The following NTNG1 variants were observed in gnomAD, a reference collection of about 807,000 sequenced individuals.
The protein encoded by NTNG1 is netrin-G1.
Under a neutral mutation model 54.0 loss-of-function variants are expected in NTNG1, and 16 were observed. The observed-to-expected ratio is 0.30, with a 90% CI of 0.20 to 0.45. NTNG1 has a LOEUF of 0.45. Ranked by LOEUF, NTNG1 falls within the 20% of genes least tolerant of loss-of-function variation. The probability of loss-of-function intolerance (pLI) is 1.00; values close to 1 mark genes in which losing one functional copy is unlikely to be tolerated. For missense variants in NTNG1, 530 were observed against 678.7 expected (o/e 0.78, Z 2.43); for synonymous variants, 255 against 263.1 (o/e 0.97, Z 0.30).
intron 5 of NTNG1, among the ~76,000 whole-genome samples, chr1:107,413,719 C>A (rs1056412916): frequency 6.6e-6 from 1 of 152,106 alleles, no homozygotes; most frequent in Admixed American, 6.6e-5. Context: ...AATAAAAAAG[C>A]AACTCATCCA....
intron 2 of NTNG1, among the ~76,000 whole-genome samples, chr1:107,197,997 G>A (rs1658466000): frequency 6.6e-6 from 1 of 151,846 alleles, no homozygotes; most frequent in Admixed American, 6.6e-5. Context: ...ATTCTTTGAG[G>A]TGCAATGTCA....
chr1:107,140,542 T>C (rs1438061944), upstream of NTNG1, among the ~76,000 whole-genome samples: 1 of 152,050 alleles, frequency 6.6e-6, no homozygotes, highest in Non-Finnish European at 1.5e-5. Flanking sequence ...TGCAGTGACA[T>C]TTCTGACTTG....
At chr1:107,389,362 C>T (rs1672221182) in intron 3 of NTNG1, among the ~76,000 whole-genome samples, 1 of 152,174 alleles carries the variant, frequency 6.6e-6, no homozygotes, top group African/African-American at 2.4e-5. Flanking sequence ...ATATGGACCT[C>T]GAGCTCACAG....
intron 2 of NTNG1, among the ~76,000 whole-genome samples, chr1:107,265,245 A>G (rs12117490): frequency 0.033 from 4,993 of 152,278 alleles, 109 homozygotes; most frequent in Non-Finnish European, 0.052. Flanking sequence ...GGATAAGGAA[A>G]GGAATGTAGA....
At chr1:107,217,359 T>A (rs547432367) in intron 2 of NTNG1, among the ~76,000 whole-genome samples, 22 of 152,300 alleles carry the variant, frequency 1.4e-4, no homozygotes, top group Non-Finnish European at 2.8e-4. Flanking sequence ...ATCTCGCTAA[T>A]GGTCTATTAA....
At chr1:107,373,741 C>T (rs187494404) in intron 3 of NTNG1, among the ~76,000 whole-genome samples, 118 of 151,974 alleles carry the variant, frequency 7.8e-4, no homozygotes, top group African/African-American at 2.6e-3. Context: ...CTCTGTCACC[C>T]AGGCTGGAGT....
intron 2 of NTNG1, among the ~76,000 whole-genome samples, chr1:107,172,483 C>T (rs1191762211): frequency 6.6e-6 from 1 of 152,138 alleles, no homozygotes; most frequent in Non-Finnish European, 1.5e-5. Context: ...CGTCCAAAGT[C>T]CCACAATTAG....
chr1:107,431,529 A>T (rs1039111334), intron 6 of NTNG1, among the ~76,000 whole-genome samples: 4 of 152,116 alleles, frequency 2.6e-5, no homozygotes. Context: ...GCAACTAATT[A>T]TCTTAGCCCT....
intron 2 of NTNG1, among the ~76,000 whole-genome samples, chr1:107,275,442 A>G (rs1018330442): frequency 6.6e-6 from 1 of 152,176 alleles, no homozygotes; most frequent in Admixed American, 6.5e-5. Flanking sequence ...TGGCTCATAC[A>G]ATTACAGAGG....
At chr1:107,369,457 G>A (rs1055114276) in intron 3 of NTNG1, among the ~76,000 whole-genome samples, 1 of 152,014 alleles carries the variant, frequency 6.6e-6, no homozygotes, top group Non-Finnish European at 1.5e-5. Context: ...GGTGTGTAAT[G>A]GTATCTCATT....
intron 2 of NTNG1, among the ~76,000 whole-genome samples, chr1:107,192,699 A>C (rs748387254): frequency 1.1e-4 from 16 of 152,106 alleles, no homozygotes; most frequent in Admixed American, 3.3e-4. Flanking sequence ...TTAGGATACA[A>C]ATGCCATTCC....
intron 7 of NTNG1, among the ~76,000 whole-genome samples, chr1:107,445,606 T>TTTATTGTTAAATTTGATTGA (rs1164243082): frequency 1.3e-5 from 2 of 152,094 alleles, no homozygotes; most frequent in African/African-American, 2.4e-5. Flanking sequence ...TTAGTGAATA[T>TTTATTGTTAAATTTGATTGA]TTATTGTTAA....
intron 2 of NTNG1, among the ~76,000 whole-genome samples, chr1:107,161,969 G>T (rs1655440294): frequency 6.7e-6 from 1 of 149,508 alleles, no homozygotes. Context: ...AACTTGCTTT[G>T]TCATTCAATG....
chr1:107,480,569 T>TCCCCCCCCCCCCCCCCCCCCCCCCC, intron 7 of NTNG1, 42 bp from the exon 8 acceptor site: 1 of 609,596 alleles, frequency 1.6e-6, no homozygotes, highest in Non-Finnish European at 3.1e-6. Flanking sequence ...CTGCTTCTCC[T>TCCCCCCCCCCCCCCCCCCCCCCCCC]CCCCGCGCCC....
At chr1:107,336,700 G>A (rs1030966154) in intron 3 of NTNG1, among the ~76,000 whole-genome samples, 5 of 151,816 alleles carry the variant, frequency 3.3e-5, no homozygotes, top group African/African-American at 1.2e-4. Context: ...CCACAGAATG[G>A]GTGGGAATAT....
intron 2 of NTNG1, among the ~76,000 whole-genome samples, chr1:107,286,756 C>T (rs1665228317): frequency 6.6e-6 from 1 of 152,114 alleles, no homozygotes; most frequent in Non-Finnish European, 1.5e-5. Context: ...AGTTTATTTA[C>T]ATAAAAGGGC....
intron 2 of NTNG1, among the ~76,000 whole-genome samples, chr1:107,166,859 C>T (rs1357394931): frequency 6.6e-6 from 1 of 152,040 alleles, no homozygotes; most frequent in Non-Finnish European, 1.5e-5. Context: ...ACAATATCTA[C>T]ATAACAGTAG....
At chr1:107,419,225 G>A (rs558918420) in intron 5 of NTNG1, among the ~76,000 whole-genome samples, 233 of 140,654 alleles carry the variant, frequency 1.7e-3, no homozygotes, top group African/African-American at 5.6e-3. Context: ...CCCTCTCCCC[G>A]CTACCTCCTC....
At chr1:107,261,912 C>T (rs1663373053) in intron 2 of NTNG1, among the ~76,000 whole-genome samples, 1 of 152,144 alleles carries the variant, frequency 6.6e-6, no homozygotes, top group Non-Finnish European at 1.5e-5. Flanking sequence ...ATTCCACATT[C>T]TCATATGTAA....
Sources: allele counts gnomAD v4.1 joint callset (sites outside exome capture counted in the v4.1 genomes callset), GRCh38; gene constraint gnomAD v4.1.1; transcripts MANE v1.5; gene names NCBI Gene and HGNC (gene_info 2026-07-23, HGNC 2026-07-21).